TUSC3: variants seen among roughly 807,000 people sequenced by gnomAD.
The protein encoded by TUSC3 is tumor suppressor candidate 3.
Under a neutral mutation model 44.8 loss-of-function variants are expected in TUSC3, and 45 were observed. That is an observed-to-expected ratio of 1.00 (90% confidence interval 0.79 to 1.29). The LOEUF (loss-of-function observed/expected upper bound fraction) is 1.29. Among genes scored for constraint, TUSC3 ranks in the 50% most tolerant of loss-of-function variants. The pLI, the probability that TUSC3 is intolerant of heterozygous loss-of-function variation, is 0.00. For missense variants in TUSC3, 519 were observed against 437.9 expected, an observed-to-expected ratio of 1.19 and a Z score of -1.65; for synonymous variants, 212 against 152.9, an observed-to-expected ratio of 1.39 and a Z score of -2.85.
chr8:15,547,157 C>A (rs1004520816), intron 1 of TUSC3, among the ~76,000 whole-genome samples: 1 of 151,530 alleles, frequency 6.6e-6, no homozygotes, highest in Admixed American at 6.6e-5. Flanking sequence ...CTTGATGTTA[C>A]CATGAGAACT....
At chr8:15,425,734 T>G (rs1385596401) in intron 1 of TUSC3, among the ~76,000 whole-genome samples, 1 of 152,240 alleles carries the variant, frequency 6.6e-6, no homozygotes, top group Non-Finnish European at 1.5e-5. Flanking sequence ...TTTGATCTCA[T>G]GGCTAGAAAT....
intron 1 of TUSC3, among the ~76,000 whole-genome samples, chr8:15,611,525 A>T (rs1352955339): frequency 6.6e-6 from 1 of 152,210 alleles, no homozygotes; most frequent in South Asian, 2.1e-4. Context: ...TTGTTTTCTG[A>T]TGGATTGCTG....
intron 6 of TUSC3, among the ~76,000 whole-genome samples, chr8:15,705,772 T>C (rs748009490): frequency 6.6e-6 from 1 of 152,046 alleles, no homozygotes; most frequent in Non-Finnish European, 1.5e-5. Context: ...GTGGGTCATC[T>C]TCAGTCTGTC....
the TUSC3 span, among the ~76,000 whole-genome samples, chr8:15,848,018 TTC>T: frequency 1.3e-5 from 2 of 152,318 alleles, no homozygotes; most frequent in East Asian, 3.9e-4. Context: ...TACATATTTA[TTC>T]TCTTTTTCCT....
Position 15,718,056 on chromosome 8 carries a change from T to G in TUSC3, c.799-12610T>G, listed in dbSNP as rs569322104. Among the ~76,000 whole-genome samples, 3 of 152,280 alleles carry G rather than the reference T, an allele frequency of 2.0e-5. No homozygotes were observed. The South Asian group carries it at 6.2e-4, about 32-fold the overall frequency. ...TACTAGATATTGATTGATTGATTGA[T>G]TCAAAGATGTTTGACATAGATTGCC... On this transcript the variant is annotated intron_variant, in intron 6 of 10. Coordinates refer to ENST00000503731, the MANE Select transcript of TUSC3 (RefSeq NM_006765.4).
At chr8:15,744,545 C>T (rs1347927985) in intron 8 of TUSC3, among the ~76,000 whole-genome samples, 1 of 152,034 alleles carries the variant, frequency 6.6e-6, no homozygotes, top group African/African-American at 2.4e-5. Flanking sequence ...ATCCAGACTT[C>T]ATGGGTTTTT....
intron 6 of TUSC3, among the ~76,000 whole-genome samples, chr8:15,682,362 T>C (rs150693362): frequency 3.1e-4 from 47 of 152,332 alleles, no homozygotes; most frequent in African/African-American, 1.1e-3. Flanking sequence ...TGGATTCATA[T>C]ATATTTAAGA....
intron 2 of TUSC3, among the ~76,000 whole-genome samples, chr8:15,522,592 T>A (rs1801313113): frequency 6.6e-6 from 1 of 151,644 alleles, no homozygotes; most frequent in Non-Finnish European, 1.5e-5. Flanking sequence ...CTCCCACATG[T>A]GTTCCACTGA....
chr8:15,791,980 C>G, the TUSC3 span, among the ~76,000 whole-genome samples: 1 of 152,032 alleles, frequency 6.6e-6, no homozygotes, highest in East Asian at 1.9e-4. Flanking sequence ...AAGGAGCGTT[C>G]AAGACATTCC....
intron 1 of TUSC3, among the ~76,000 whole-genome samples, chr8:15,589,013 G>T (rs1216189531): frequency 6.6e-6 from 1 of 152,080 alleles, no homozygotes; most frequent in Non-Finnish European, 1.5e-5. Flanking sequence ...TGTTCTTTTT[G>T]CTTAGGATTG....
chr8:15,634,933 C>A (rs1371479287), intron 2 of TUSC3, among the ~76,000 whole-genome samples: 1 of 152,182 alleles, frequency 6.6e-6, no homozygotes, highest in African/African-American at 2.4e-5. Context: ...CCGTAGGCCA[C>A]TGCAGGAGGG....
At chr8:15,718,424 T>C (rs1810148210) in intron 6 of TUSC3, among the ~76,000 whole-genome samples, 1 of 152,254 alleles carries the variant, frequency 6.6e-6, no homozygotes, top group South Asian at 2.1e-4. Context: ...AATATTGACA[T>C]TTATGTGTAC....
chr8:15,598,459 A>T (rs931222503), intron 1 of TUSC3, among the ~76,000 whole-genome samples: 1 of 151,882 alleles, frequency 6.6e-6, no homozygotes, highest in African/African-American at 2.4e-5. Flanking sequence ...ACCTACATAG[A>T]TACATCATAA....
chr8:15,428,233 C>G (rs1398544860), intron 1 of TUSC3, among the ~76,000 whole-genome samples: 2 of 147,474 alleles, frequency 1.4e-5, no homozygotes, highest in South Asian at 2.2e-4. Flanking sequence ...GGTTTTTTGT[C>G]CTCACGATAC....
intron 2 of TUSC3, among the ~76,000 whole-genome samples, chr8:15,487,678 T>G (rs1800751159): frequency 6.6e-6 from 1 of 152,228 alleles, no homozygotes; most frequent in Admixed American, 6.5e-5. Context: ...CCTAATCTGT[T>G]ACTCCAATAT....
At chr8:15,839,055 C>T in the TUSC3 span, among the ~76,000 whole-genome samples, 1 of 152,060 alleles carries the variant, frequency 6.6e-6, no homozygotes, top group African/African-American at 2.4e-5. Context: ...TTGTAGTTCT[C>T]CTTGAAGAGG....
intron 2 of TUSC3, among the ~76,000 whole-genome samples, chr8:15,647,775 G>T (rs944451213): frequency 9.2e-5 from 14 of 151,988 alleles, no homozygotes; most frequent in African/African-American, 2.9e-4. Context: ...TTTCAAACTT[G>T]ATTATTTGTC....
intron 2 of TUSC3, among the ~76,000 whole-genome samples, chr8:15,490,391 C>T (rs996719419): frequency 1.3e-5 from 2 of 152,106 alleles, no homozygotes; most frequent in African/African-American, 4.8e-5. Flanking sequence ...GAGAAACACC[C>T]TAACTTTCTC....
chr8:15,769,862 G>A (rs2543116), downstream of TUSC3, among the ~76,000 whole-genome samples: 114,203 of 152,090 alleles, frequency 0.75, 43,070 homozygotes, highest in African/African-American at 0.79. Context: ...TAAAACCACA[G>A]TGAGATACCA....
Sources: allele counts gnomAD v4.1 joint callset (sites outside exome capture counted in the v4.1 genomes callset), GRCh38; gene constraint gnomAD v4.1.1; transcripts MANE v1.5; gene names NCBI Gene and HGNC (gene_info 2026-07-23, HGNC 2026-07-21).